SARNP: variants seen among roughly 807,000 people sequenced by gnomAD.
SARNP encodes SAP domain-containing ribonucleoprotein.
SARNP carries 5 observed loss-of-function variants against 38.1 expected under a neutral mutation model. The observed-to-expected ratio is 0.13, with a 90% CI of 0.07 to 0.28. The LOEUF (loss-of-function observed/expected upper bound fraction) is 0.28, where lower values mean the gene tolerates loss of function less well. Among genes scored for constraint, SARNP ranks in the 10% least tolerant of loss-of-function variants. The probability of loss-of-function intolerance (pLI) is 1.00; values close to 1 mark genes in which losing one functional copy is unlikely to be tolerated. For synonymous variants in SARNP, 84 were observed against 80.6 expected (o/e 1.04, Z -0.23); for missense variants, 180 against 243.9 (o/e 0.74, Z 1.75).
At chr12:55,788,803 A>G (rs1879581022) in intron 9 of SARNP, among the ~76,000 whole-genome samples, 1 of 152,054 alleles carries the variant, frequency 6.6e-6, no homozygotes, top group Non-Finnish European at 1.5e-5. Context: ...GTCTCAAAGG[A>G]AAAAAAAGAA....
At chr12:55,776,042 T>A (rs1432064582) in intron 9 of SARNP, among the ~76,000 whole-genome samples, 1 of 152,098 alleles carries the variant, frequency 6.6e-6, no homozygotes, top group African/African-American at 2.4e-5. Context: ...CCATACAGAC[T>A]CTGAAGGATA....
intron 9 of SARNP, among the ~76,000 whole-genome samples, chr12:55,772,334 A>G (rs143084594): frequency 6.6e-6 from 1 of 152,298 alleles, no homozygotes; most frequent in Non-Finnish European, 1.5e-5. Flanking sequence ...TTAAAGTTAC[A>G]CGACAATTAG....
chr12:55,784,876 A>C (rs1371863926), intron 9 of SARNP, among the ~76,000 whole-genome samples: 30 of 152,226 alleles, frequency 2.0e-4, no homozygotes, highest in Admixed American at 2.0e-3. Context: ...AACCAATGTA[A>C]ATGGGATCTA....
chr12:55,788,049 C>G (rs769766856), intron 9 of SARNP, among the ~76,000 whole-genome samples: 19 of 151,934 alleles, frequency 1.3e-4, no homozygotes, highest in Non-Finnish European at 2.4e-4. Flanking sequence ...ACGCCTGGCC[C>G]GATTTTTTTC....
intron 9 of SARNP, among the ~76,000 whole-genome samples, chr12:55,779,954 T>C (rs539580258): frequency 2.0e-5 from 3 of 152,078 alleles, no homozygotes; most frequent in Non-Finnish European, 4.4e-5. Flanking sequence ...TGAGACCAGC[T>C]TGGGTAACAC....
intron 1 of SARNP, among the ~76,000 whole-genome samples, chr12:55,810,451 ATTTTTTTTT>A (rs199532602): frequency 7.4e-6 from 1 of 136,044 alleles, no homozygotes. Context: ...CTGACCTTGA[ATTTTTTTTT>A]TTTTTTTTTG....
intron 2 of SARNP, among the ~76,000 whole-genome samples, chr12:55,801,857 A>T (rs1435736734): frequency 6.6e-6 from 1 of 152,116 alleles, no homozygotes; most frequent in Non-Finnish European, 1.5e-5. Flanking sequence ...GCCTCAAGAG[A>T]TCATACCACC....
downstream of SARNP, chr12:55,756,175 A>C (rs776669278): frequency 6.6e-6 from 1 of 152,250 alleles, no homozygotes; most frequent in Non-Finnish European, 1.5e-5. Context: ...GACAGAAAAG[A>C]GGGAAAAGGG....
chr12:55,785,484 T>G (rs1879463986), intron 9 of SARNP, among the ~76,000 whole-genome samples: 1 of 151,974 alleles, frequency 6.6e-6, no homozygotes, highest in Admixed American at 6.6e-5. Flanking sequence ...GTATACAATT[T>G]TTTTTTTTTT....
intron 9 of SARNP, among the ~76,000 whole-genome samples, chr12:55,768,845 T>C (rs186401204): frequency 6.6e-6 from 1 of 152,280 alleles, no homozygotes; most frequent in Admixed American, 6.5e-5. Flanking sequence ...TGTCTCAGCC[T>C]CTCAAGTAGC....
At chr12:55,774,872 C>A (rs1316602585) in intron 9 of SARNP, among the ~76,000 whole-genome samples, 5 of 148,232 alleles carry the variant, frequency 3.4e-5, no homozygotes, top group Non-Finnish European at 5.9e-5. Context: ...CCTGAAAACA[C>A]ATTTCTATTT....
intron 7 of SARNP, among the ~76,000 whole-genome samples, chr12:55,791,633 T>C (rs1188790517): frequency 6.6e-6 from 1 of 151,920 alleles, no homozygotes; most frequent in African/African-American, 2.4e-5. Flanking sequence ...AGGCAGAGGC[T>C]GCAGTGAGCT....
chr12:55,785,740 C>T (rs569188501), intron 9 of SARNP, among the ~76,000 whole-genome samples: 11 of 150,900 alleles, frequency 7.3e-5, no homozygotes, highest in Admixed American at 4.0e-4. Context: ...CGCACCATTG[C>T]ACTCCAGCCT....
intron 9 of SARNP, among the ~76,000 whole-genome samples, chr12:55,784,257 G>A (rs1879423909): frequency 6.6e-6 from 1 of 152,096 alleles, no homozygotes; most frequent in African/African-American, 2.4e-5. Context: ...TATATAGAAG[G>A]CTACACTGGA....
At chr12:55,775,547 A>C (rs1283206202) in intron 9 of SARNP, among the ~76,000 whole-genome samples, 1 of 145,242 alleles carries the variant, frequency 6.9e-6, no homozygotes, top group South Asian at 2.1e-4. Context: ...AAAAACAAAA[A>C]ACAAAAACAA....
At chr12:55,796,796 A>T (rs1292766425) in intron 4 of SARNP, among the ~76,000 whole-genome samples, 1 of 152,220 alleles carries the variant, frequency 6.6e-6, no homozygotes, top group South Asian at 2.1e-4. Context: ...GTACTCTACA[A>T]GGTCTGGTTT....
chr12:55,774,958 C>T (rs1358353548), intron 9 of SARNP, among the ~76,000 whole-genome samples: 3 of 141,866 alleles, frequency 2.1e-5, no homozygotes, highest in African/African-American at 8.1e-5. Flanking sequence ...GCAATCTTGG[C>T]TCACTGCAAC....
intron 9 of SARNP, among the ~76,000 whole-genome samples, chr12:55,772,995 G>A (rs1027794951): frequency 3.3e-5 from 5 of 152,160 alleles, no homozygotes; most frequent in Admixed American, 1.3e-4. Context: ...GATTACAGGC[G>A]TGAGCCACCA....
At chr12:55,764,608 A>G (rs2694012) in intron 9 of SARNP, among the ~76,000 whole-genome samples, 41,962 of 151,218 alleles carry the variant, frequency 0.28, 11,806 homozygotes, top group African/African-American at 0.72. Flanking sequence ...AGGCCGAGGC[A>G]GGCAAATCAC....
Sources: allele counts gnomAD v4.1 joint callset (sites outside exome capture counted in the v4.1 genomes callset), GRCh38; gene constraint gnomAD v4.1.1; transcripts MANE v1.5; gene names NCBI Gene and HGNC (gene_info 2026-07-23, HGNC 2026-07-21).